Variants in GRIP1 observed in about 807,000 individuals in gnomAD.
The protein encoded by GRIP1 is glutamate receptor interacting protein 1.
Under a neutral mutation model 129.9 loss-of-function variants are expected in GRIP1, and 45 were observed. The ratio of observed to expected loss-of-function variants is 0.35; its 90% CI spans 0.27 to 0.44. GRIP1 has a LOEUF of 0.44. GRIP1 is among the 20% of genes least tolerant of loss of function. The pLI, the probability that GRIP1 is intolerant of heterozygous loss-of-function variation, is 1.00. For synonymous variants in GRIP1, 530 were observed against 520.8 expected (o/e 1.02, Z -0.24); for missense variants, 1,196 against 1,396.8 (o/e 0.86, Z 2.29).
At chr12:66,793,981 T>C (rs934478221) in intron 1 of GRIP1, among the ~76,000 whole-genome samples, 3 of 152,054 alleles carry the variant, frequency 2.0e-5, no homozygotes, top group South Asian at 2.1e-4. Context: ...TCTCAGGAGA[T>C]CAAGCATAAT....
intron 1 of GRIP1, among the ~76,000 whole-genome samples, chr12:66,908,236 T>C (rs553694377): frequency 9.9e-5 from 15 of 151,876 alleles, no homozygotes; most frequent in African/African-American, 3.6e-4. Context: ...AATAAGAGAG[T>C]GCAGAACACA....
intron 19 of GRIP1, among the ~76,000 whole-genome samples, chr12:66,390,193 A>G (rs1223563869): frequency 6.6e-6 from 1 of 152,188 alleles, no homozygotes; most frequent in African/African-American, 2.4e-5. Context: ...ACCTGGCACC[A>G]AGGGCTGCAC....
At chr12:66,955,934 G>A (rs570684559) in intron 1 of GRIP1, among the ~76,000 whole-genome samples, 1 of 152,306 alleles carries the variant, frequency 6.6e-6, no homozygotes, top group Non-Finnish European at 1.5e-5. Context: ...GTGAATTAAT[G>A]CTATTATATA....
chr12:66,637,681 A>T lies in GRIP1; in HGVS notation c.56-40754T>A, dbSNP rs143011800. Among the ~76,000 whole-genome samples, 139 of 152,098 alleles carry T rather than the reference A, an allele frequency of 9.1e-4. No homozygotes were observed. In the East Asian group the frequency reaches 0.026, roughly 28 times the overall value. ...CAAAATCTGAGCCCGCTGGGAGCCAATTTTCCATAAAGACTGCAGAATCCT... is the reference window on the plus strand; with the variant it reads ...CAAAATCTGAGCCCGCTGGGAGCCATTTTTCCATAAAGACTGCAGAATCCT... On this transcript the variant is annotated intron_variant, in intron 1 of 24. Coordinates refer to ENST00000359742, the MANE Select transcript of GRIP1 (RefSeq NM_001366722.1).
intron 1 of GRIP1, among the ~76,000 whole-genome samples, chr12:66,719,799 T>C (rs2036003421): frequency 6.6e-6 from 1 of 152,152 alleles, no homozygotes; most frequent in Admixed American, 6.6e-5. Flanking sequence ...AACTGGAATG[T>C]TCGGGCTTAT....
intron 1 of GRIP1, among the ~76,000 whole-genome samples, chr12:66,855,133 C>T (rs2137093136): frequency 1.3e-5 from 2 of 151,992 alleles, no homozygotes; most frequent in African/African-American, 4.8e-5. Context: ...ACTACATTAC[C>T]AGGTCATTAA....
intron 1 of GRIP1, among the ~76,000 whole-genome samples, chr12:66,787,159 T>A (rs1048877783): frequency 6.6e-6 from 1 of 152,172 alleles, no homozygotes; most frequent in African/African-American, 2.4e-5. Flanking sequence ...GTGTTTTCTG[T>A]AAGTCAACAC....
chr12:66,897,976 T>C (rs529529809), intron 1 of GRIP1, among the ~76,000 whole-genome samples: 1 of 152,176 alleles, frequency 6.6e-6, no homozygotes, highest in Non-Finnish European at 1.5e-5. Flanking sequence ...CAAGAATACA[T>C]TGCCTAACCT....
At chr12:66,629,127 A>G (rs1422433133) in intron 1 of GRIP1, among the ~76,000 whole-genome samples, 2 of 152,248 alleles carry the variant, frequency 1.3e-5, no homozygotes, top group African/African-American at 4.8e-5. Context: ...TTCATTTATC[A>G]TATTCTAGAA....
intron 1 of GRIP1, among the ~76,000 whole-genome samples, chr12:66,652,264 C>T (rs2032850024): frequency 6.6e-6 from 1 of 152,018 alleles, no homozygotes; most frequent in African/African-American, 2.4e-5. Context: ...GGGTGGTTTC[C>T]CCCATGCTAT....
At chr12:66,859,555 C>T (rs2137112190) in intron 1 of GRIP1, among the ~76,000 whole-genome samples, 1 of 152,128 alleles carries the variant, frequency 6.6e-6, no homozygotes, top group East Asian at 1.9e-4. Flanking sequence ...CAACAATCCT[C>T]CTAATCTACA....
intron 19 of GRIP1, among the ~76,000 whole-genome samples, chr12:66,384,113 T>C (rs1307676937): frequency 1.3e-5 from 2 of 152,230 alleles, no homozygotes; most frequent in African/African-American, 4.8e-5. Context: ...GAGTTTTCAG[T>C]TCTCTTCAGC....
At chr12:66,496,587 T>C (rs890079640) in intron 7 of GRIP1, among the ~76,000 whole-genome samples, 16 of 152,188 alleles carry the variant, frequency 1.1e-4, no homozygotes, top group African/African-American at 3.9e-4. Context: ...GGGGGATGTC[T>C]CTTACAGCCC....
intron 1 of GRIP1, among the ~76,000 whole-genome samples, chr12:66,751,658 C>T (rs910259838): frequency 3.3e-5 from 5 of 152,294 alleles, no homozygotes; most frequent in African/African-American, 1.2e-4. Context: ...TAGGCAGATG[C>T]TCCATAAATG....
upstream of GRIP1, among the ~76,000 whole-genome samples, chr12:66,682,622 G>A (rs143604251): frequency 7.9e-5 from 12 of 152,044 alleles, no homozygotes; most frequent in East Asian, 1.9e-3. Context: ...TTGATTCTCC[G>A]CCATTGTATT....
chr12:66,368,535 G>A (rs1440453011), intron 23 of GRIP1, among the ~76,000 whole-genome samples: 1 of 152,136 alleles, frequency 6.6e-6, no homozygotes, highest in African/African-American at 2.4e-5. Context: ...GGTCCATTTG[G>A]AAAAGAGTAC....
At chr12:66,508,146 G>A (rs764400120) in intron 7 of GRIP1, among the ~76,000 whole-genome samples, 2 of 152,170 alleles carry the variant, frequency 1.3e-5, no homozygotes, top group African/African-American at 4.8e-5. Context: ...CGATGTCATT[G>A]TGCAATGTAA....
chr12:66,718,122 C>T (rs886524736), intron 1 of GRIP1, among the ~76,000 whole-genome samples: 3 of 152,146 alleles, frequency 2.0e-5, no homozygotes, highest in African/African-American at 7.2e-5. Flanking sequence ...ACTCTTCCCA[C>T]TACATCCACA....
At position 66,925,793 on chromosome 12, in the gene GRIP1, C is replaced by T. The variant is rs1015883835; in HGVS notation, c.58+143257G>A. Among the ~76,000 whole-genome samples the T allele has an allele frequency of 5.9e-5, 9 of 152,016 alleles. No homozygotes were observed. The East Asian group carries it at 1.4e-3, about 23-fold the overall frequency. ...CCAAGTAGCTGGGATTACAGGCATGCGCCACCACACCTGGCTAATTTTCTA... is the reference window on the plus strand; with the variant it reads ...CCAAGTAGCTGGGATTACAGGCATGTGCCACCACACCTGGCTAATTTTCTA... On this transcript the variant is annotated intron_variant, in intron 1 of 1. Coordinates refer to the GRIP1 transcript ENST00000643019.
Sources: gnomAD v4.1 joint callset for allele counts (sites outside exome capture counted in the v4.1 genomes callset) on GRCh38, gnomAD v4.1.1 for gene constraint, MANE v1.5 for transcripts, NCBI Gene and HGNC (gene_info 2026-07-23, HGNC 2026-07-21) for gene names.